The following ROBO2 variants were observed in gnomAD, a reference collection of about 807,000 sequenced individuals.
The protein encoded by ROBO2 is roundabout guidance receptor 2.
In ROBO2, 53 loss-of-function variants were observed where a neutral mutation model predicts 160.8. The observed-to-expected ratio is 0.33, with a 90% CI of 0.26 to 0.41. The LOEUF (loss-of-function observed/expected upper bound fraction) is 0.41. Ranked by LOEUF, ROBO2 falls within the 10% of genes least tolerant of loss-of-function variation. The pLI, the probability that ROBO2 is intolerant of heterozygous loss-of-function variation, is 1.00. For synonymous variants in ROBO2, 664 were observed against 611.7 expected (o/e 1.09, Z -1.26); for missense variants, 1,577 against 1,722.4 (o/e 0.92, Z 1.49).
At chr3:76,681,019 C>T (rs558748027) in intron 2 of ROBO2, among the ~76,000 whole-genome samples, 8 of 152,028 alleles carry the variant, frequency 5.3e-5, no homozygotes, top group African/African-American at 9.7e-5. Context: ...TCATGTGATC[C>T]GCCCACCTCA....
chr3:76,162,236 A>T (rs1293576126), intron 2 of ROBO2, among the ~76,000 whole-genome samples: 1 of 152,220 alleles, frequency 6.6e-6, no homozygotes, highest in East Asian at 1.9e-4. Flanking sequence ...ATCAGTTAAG[A>T]GCAAGAACTC....
intron 21 of ROBO2, among the ~76,000 whole-genome samples, chr3:77,611,795 A>T (rs562000514): frequency 3.3e-5 from 5 of 152,350 alleles, no homozygotes; most frequent in Admixed American, 3.3e-4. Flanking sequence ...AATGATGGCA[A>T]TGTTTTCTCC....
chr3:77,501,063 G>A (rs368725600), intron 5 of ROBO2, among the ~76,000 whole-genome samples: 19 of 152,330 alleles, frequency 1.2e-4, no homozygotes, highest in African/African-American at 3.4e-4. Flanking sequence ...TGCCATGTGC[G>A]TAATGTCCAA....
intron 2 of ROBO2, among the ~76,000 whole-genome samples, chr3:77,454,271 G>A (rs977973902): frequency 6.6e-6 from 1 of 152,060 alleles, no homozygotes; most frequent in Non-Finnish European, 1.5e-5. Context: ...AAAGATAAGC[G>A]TTCAATTTGG....
chr3:77,333,604 A>G (rs528602248), intron 2 of ROBO2, among the ~76,000 whole-genome samples: 1 of 152,330 alleles, frequency 6.6e-6, no homozygotes, highest in African/African-American at 2.4e-5. Flanking sequence ...CAAACCTGGC[A>G]ATGACTTTTT....
intron 2 of ROBO2, among the ~76,000 whole-genome samples, chr3:76,631,718 A>G (rs1374204406): frequency 6.6e-6 from 1 of 152,144 alleles, no homozygotes; most frequent in Non-Finnish European, 1.5e-5. Flanking sequence ...GCAACTGGCT[A>G]TAGGGCATTG....
chr3:76,828,615 C>T lies in ROBO2; in HGVS notation c.110-269399C>T, dbSNP rs2066789544. 4.6e-5 allele frequency among the ~76,000 whole-genome samples: 7 copies of T among 152,164 alleles called. No homozygotes were observed. The South Asian group carries it at 1.4e-3, about 32-fold the overall frequency. Reference sequence around the variant, plus strand: ...TCATGGAGTCTTAGAGTCACTGTCCCATTATTAGGTAATAATTTTCTAGGC... The same window carrying T: ...TCATGGAGTCTTAGAGTCACTGTCCTATTATTAGGTAATAATTTTCTAGGC... On this transcript the variant is annotated intron_variant, in intron 2 of 26. Transcript: ENST00000487694.
chr3:77,137,595 TAAC>T (rs1317171421), intron 2 of ROBO2, among the ~76,000 whole-genome samples: 1 of 152,222 alleles, frequency 6.6e-6, no homozygotes, highest in Non-Finnish European at 1.5e-5. Context: ...CCTTGAGAAA[TAAC>T]AAACAAAATG....
intron 2 of ROBO2, among the ~76,000 whole-genome samples, chr3:77,028,037 C>T (rs1236291574): frequency 6.6e-6 from 1 of 152,038 alleles, no homozygotes; most frequent in African/African-American, 2.4e-5. Flanking sequence ...CTTCCTCACT[C>T]TCCTGCTTTT....
At chr3:76,905,153 G>A (rs971494226) in intron 2 of ROBO2, among the ~76,000 whole-genome samples, 6 of 152,134 alleles carry the variant, frequency 3.9e-5, no homozygotes, top group Non-Finnish European at 8.8e-5. Flanking sequence ...ACGAGTGGGA[G>A]TATATTGAGA....
chr3:75,912,156 CTT>C (rs1172327796), intron 1 of ROBO2, among the ~76,000 whole-genome samples: 1 of 152,022 alleles, frequency 6.6e-6, no homozygotes, highest in Non-Finnish European at 1.5e-5. Context: ...ATTTTTATAA[CTT>C]TTGCTGTACT....
At chr3:77,389,048 G>A (rs2074429524) in intron 2 of ROBO2, among the ~76,000 whole-genome samples, 1 of 152,088 alleles carries the variant, frequency 6.6e-6, no homozygotes. Context: ...GGGTTCAAGC[G>A]ATTCTCCTGC....
intron 2 of ROBO2, among the ~76,000 whole-genome samples, chr3:76,784,633 G>C (rs2062859958): frequency 6.6e-6 from 1 of 151,124 alleles, no homozygotes; most frequent in Non-Finnish European, 1.5e-5. Flanking sequence ...ACAGTATATA[G>C]GATGCTTGGG....
intron 2 of ROBO2, among the ~76,000 whole-genome samples, chr3:77,432,549 C>T (rs536868668): frequency 5.7e-4 from 87 of 152,176 alleles, no homozygotes; most frequent in African/African-American, 2.0e-3. Flanking sequence ...TCTGGTTCAC[C>T]CCCTGATTTA....
chr3:76,071,595 A>G (rs887186267), intron 2 of ROBO2, among the ~76,000 whole-genome samples: 1 of 152,054 alleles, frequency 6.6e-6, no homozygotes, highest in Admixed American at 6.5e-5. Flanking sequence ...ATGTTCTTTA[A>G]ATACAAGCTT....
At chr3:77,341,095 G>A (rs1013746111) in intron 2 of ROBO2, among the ~76,000 whole-genome samples, 2 of 152,120 alleles carry the variant, frequency 1.3e-5, no homozygotes, top group African/African-American at 4.8e-5. Flanking sequence ...TTGGAACGTA[G>A]CCATGCTTAT....
At chr3:77,090,138 G>A (rs1258537329) in intron 1 of ROBO2, among the ~76,000 whole-genome samples, 2 of 151,968 alleles carry the variant, frequency 1.3e-5, no homozygotes, top group South Asian at 2.1e-4. Flanking sequence ...ATCATCCTCA[G>A]CAAAGATAAA....
At chr3:76,060,415 A>G (rs1357708226) in intron 2 of ROBO2, among the ~76,000 whole-genome samples, 3 of 152,340 alleles carry the variant, frequency 2.0e-5, no homozygotes, top group South Asian at 2.1e-4. Context: ...TTAGTAAACA[A>G]TAAAACTCAT....
intron 2 of ROBO2, among the ~76,000 whole-genome samples, chr3:77,272,314 A>T (rs1373300519): frequency 1.3e-5 from 2 of 152,124 alleles, no homozygotes; most frequent in Admixed American, 1.3e-4. Flanking sequence ...CAAGCTGTAG[A>T]GGCAGCATGG....
Sources: allele counts gnomAD v4.1 joint callset (sites outside exome capture counted in the v4.1 genomes callset), GRCh38; gene constraint gnomAD v4.1.1; transcripts MANE v1.5; gene names NCBI Gene and HGNC (gene_info 2026-07-23, HGNC 2026-07-21).